The following PPP1R14C variants were observed in gnomAD, a reference collection of about 807,000 sequenced individuals.
PPP1R14C encodes the protein protein phosphatase 1 regulatory subunit 14C.
A neutral mutation model predicts 20.4 loss-of-function variants in PPP1R14C; 16 were observed. The observed-to-expected ratio is 0.78, with a 90% CI of 0.53 to 1.19. The LOEUF is 1.19. Ranked by LOEUF, PPP1R14C falls within the 50% of genes most tolerant of loss-of-function variation. The probability of loss-of-function intolerance (pLI) is 0.00; values close to 1 mark genes in which losing one functional copy is unlikely to be tolerated. For missense variants in PPP1R14C, 211 were observed against 220.1 expected, an observed-to-expected ratio of 0.96 and a Z score of 0.26; for synonymous variants, 91 against 91.0, an observed-to-expected ratio of 1.00 and a Z score of 0.00.
chr6:150,180,564 A>G (rs1436821342), intron 1 of PPP1R14C, among the ~76,000 whole-genome samples: 1 of 152,202 alleles, frequency 6.6e-6, no homozygotes, highest in Non-Finnish European at 1.5e-5. Flanking sequence ...ACATGTGGGT[A>G]CATCTCATGA....
At chr6:150,211,256 G>A (rs1488715135) in intron 1 of PPP1R14C, among the ~76,000 whole-genome samples, 2 of 152,228 alleles carry the variant, frequency 1.3e-5, no homozygotes, top group Non-Finnish European at 2.9e-5. Context: ...GACACACAGT[G>A]CCTTGCACTC....
chr6:150,211,785 T>C lies in PPP1R14C; in HGVS notation c.307-2959T>C, dbSNP rs976735835. Among the ~76,000 whole-genome samples, 13 of 152,304 alleles carry C rather than the reference T, an allele frequency of 8.5e-5. 1 individual carries two copies. The highest frequency in any genetic ancestry group is 7.2e-4 in the Admixed American group (11 of 15,304). On this transcript the variant is annotated intron_variant, in intron 1 of 3. Coordinates refer to ENST00000361131, the MANE Select transcript of PPP1R14C (RefSeq NM_030949.3). ...GGGTTTTGTTTCAGCTTCACTGACA[T>C]TCAGAACACCCGGGACGCATGCTGA...
intron 1 of PPP1R14C, among the ~76,000 whole-genome samples, chr6:150,211,130 T>A (rs1299814518): frequency 6.6e-6 from 1 of 152,232 alleles, no homozygotes; most frequent in Non-Finnish European, 1.5e-5. Context: ...TCTCTCTCCC[T>A]GAATCACTAA....
chr6:150,180,144 G>T (rs1205667226), intron 1 of PPP1R14C, among the ~76,000 whole-genome samples: 2 of 152,164 alleles, frequency 1.3e-5, no homozygotes. Context: ...GAAGGTTGCA[G>T]TGAGCCGAGA....
intron 3 of PPP1R14C, among the ~76,000 whole-genome samples, chr6:150,217,917 T>G (rs1778115092): frequency 6.6e-6 from 1 of 152,226 alleles, no homozygotes; most frequent in Non-Finnish European, 1.5e-5. Flanking sequence ...AGTTACCTAT[T>G]TGAGCTTTAT....
intron 3 of PPP1R14C, among the ~76,000 whole-genome samples, chr6:150,236,511 G>A (rs1363864533): frequency 6.6e-6 from 1 of 152,104 alleles, no homozygotes; most frequent in African/African-American, 2.4e-5. Flanking sequence ...TTCCGTGAGA[G>A]GGTAAAACTT....
intron 1 of PPP1R14C, among the ~76,000 whole-genome samples, chr6:150,169,381 G>A (rs1264621917): frequency 1.3e-5 from 2 of 151,704 alleles, no homozygotes; most frequent in South Asian, 4.1e-4. Context: ...AAGTAGAAGA[G>A]GAAAAAAAAT....
chr6:150,167,968 T>TCC (rs1189286407), intron 1 of PPP1R14C, among the ~76,000 whole-genome samples: 2 of 144,248 alleles, frequency 1.4e-5, no homozygotes, highest in African/African-American at 5.2e-5. Context: ...CCTCCCCTCT[T>TCC]TCTCTCCTTC....
chr6:150,192,357 C>T (rs533712558), intron 1 of PPP1R14C, among the ~76,000 whole-genome samples: 1 of 152,190 alleles, frequency 6.6e-6, no homozygotes, highest in South Asian at 2.1e-4. Context: ...GAAACTGTTC[C>T]ATCTCAGATC....
chr6:150,235,091 T>G, intron 3 of PPP1R14C, among the ~76,000 whole-genome samples: 1 of 152,164 alleles, frequency 6.6e-6, no homozygotes. Flanking sequence ...ATGTTTTTTC[T>G]TTGTTGTGTT....
chr6:150,188,747 A>G (rs1452522617), intron 1 of PPP1R14C, among the ~76,000 whole-genome samples: 1 of 151,842 alleles, frequency 6.6e-6, no homozygotes, highest in Non-Finnish European at 1.5e-5. Context: ...AGGCCTCCCA[A>G]AGTGCTGAGA....
At chr6:150,162,354 C>T (rs901973124) in intron 1 of PPP1R14C, among the ~76,000 whole-genome samples, 1 of 152,242 alleles carries the variant, frequency 6.6e-6, no homozygotes, top group African/African-American at 2.4e-5. Context: ...CGTGCCAGGC[C>T]AACCTCTGCC....
chr6:150,224,824 G>T (rs1299177601), intron 3 of PPP1R14C, among the ~76,000 whole-genome samples: 3 of 151,700 alleles, frequency 2.0e-5, no homozygotes, highest in African/African-American at 7.3e-5. Context: ...ATTTTTTTTT[G>T]ATATCTGAAT....
chr6:150,226,423 G>GA (rs1235417537), intron 3 of PPP1R14C, among the ~76,000 whole-genome samples: 3 of 152,186 alleles, frequency 2.0e-5, no homozygotes, highest in African/African-American at 7.2e-5. Flanking sequence ...AAAAATCAGA[G>GA]ATGGGGGTCT....
intron 1 of PPP1R14C, among the ~76,000 whole-genome samples, chr6:150,182,288 G>A (rs1777630806): frequency 6.6e-6 from 1 of 152,168 alleles, no homozygotes; most frequent in South Asian, 2.1e-4. Flanking sequence ...TGTTTTAATT[G>A]CCTCAGGCTG....
intron 1 of PPP1R14C, among the ~76,000 whole-genome samples, chr6:150,168,145 C>A (rs532862250): frequency 7.7e-6 from 1 of 129,090 alleles, no homozygotes; most frequent in Non-Finnish European, 1.6e-5. Flanking sequence ...CACAATACAG[C>A]GTCCCTTTTT....
intron 3 of PPP1R14C, among the ~76,000 whole-genome samples, chr6:150,233,115 C>A (rs1237600594): frequency 6.6e-6 from 1 of 152,134 alleles, no homozygotes; most frequent in Non-Finnish European, 1.5e-5. Context: ...GAAACCAGAG[C>A]TAAAGATGAG....
chr6:150,164,471 G>A (rs924386486), intron 1 of PPP1R14C: 1 of 152,068 alleles, frequency 6.6e-6, no homozygotes, highest in African/African-American at 2.4e-5. Context: ...TCATGAAAAT[G>A]TTTTTCTGTG....
At chr6:150,223,977 T>G (rs979535897) in intron 3 of PPP1R14C, among the ~76,000 whole-genome samples, 29 of 152,354 alleles carry the variant, frequency 1.9e-4, no homozygotes, top group African/African-American at 5.8e-4. Flanking sequence ...AGATTTATAG[T>G]TTTGCACTTT....
Sources: gnomAD v4.1 joint callset for allele counts (sites outside exome capture counted in the v4.1 genomes callset) on GRCh38, gnomAD v4.1.1 for gene constraint, MANE v1.5 for transcripts, NCBI Gene and HGNC (gene_info 2026-07-23, HGNC 2026-07-21) for gene names.